SHCBP1: variants seen among roughly 807,000 people sequenced by gnomAD.
SHCBP1 encodes SHC SH2 domain-binding protein 1.
A neutral mutation model predicts 75.1 loss-of-function variants in SHCBP1; 60 were observed. The observed-to-expected ratio is 0.80, with a 90% CI of 0.65 to 0.99. The LOEUF (loss-of-function observed/expected upper bound fraction) is 0.99, where lower values mean the gene tolerates loss of function less well. Among genes scored for constraint, SHCBP1 ranks in the 50% least tolerant of loss-of-function variants. The probability of loss-of-function intolerance (pLI) is 0.00; values close to 1 mark genes in which losing one functional copy is unlikely to be tolerated. For missense variants in SHCBP1, 709 were observed against 809.4 expected (o/e 0.88, Z 1.50); for synonymous variants, 290 against 293.2 (o/e 0.99, Z 0.11).
intron 10 of SHCBP1, among the ~76,000 whole-genome samples, chr16:46,592,827 T>C (rs1363026368): frequency 6.6e-6 from 1 of 151,472 alleles, no homozygotes; most frequent in Admixed American, 6.6e-5. Flanking sequence ...CCATTTTCTG[T>C]TTTCCAGTAA....
At chr16:46,582,176 C>T in intron 12 of SHCBP1, 122 bp from the exon 13 acceptor site, 1 of 976,398 alleles carries the variant, frequency 1.0e-6, no homozygotes, top group Admixed American at 2.7e-5. Context: ...GTTCCCTGAC[C>T]CTCACACAGG....
At chr16:46,609,658 C>G (rs1965377999) in intron 4 of SHCBP1, among the ~76,000 whole-genome samples, 1 of 151,722 alleles carries the variant, frequency 6.6e-6, no homozygotes, top group Admixed American at 6.6e-5. Context: ...GCCATGTTGG[C>G]CAGGCTGGTC....
Position 46,581,647 on chromosome 16 carries a change from C to G in SHCBP1, c.*82G>C. On this transcript the variant is annotated 3_prime_UTR_variant, in exon 13 of 13. Transcript: ENST00000303383. ...AATCAAATATAAAATACAGACAATA[C>G]AGCAAACTACAATGGCAGCAGTGAT... is the stretch of plus-strand genomic sequence containing the variant. 11 of 1,255,734 alleles carry G rather than the reference C, an allele frequency of 8.8e-6. No homozygotes were observed. Among genetic ancestry groups the G allele is most frequent in the Non-Finnish European group, 1.2e-5 (11 of 889,084 alleles). 77.8% of individuals were successfully genotyped at this position (1,255,734 alleles called of 1,614,324 possible).
intron 4 of SHCBP1, among the ~76,000 whole-genome samples, chr16:46,614,286 C>T (rs1181687620): frequency 2.0e-5 from 3 of 152,082 alleles, no homozygotes; most frequent in African/African-American, 7.2e-5. Flanking sequence ...AGCAAAACCA[C>T]GTTAACTCAC....
chr16:46,608,724 C>A, intron 4 of SHCBP1, among the ~76,000 whole-genome samples: 1 of 151,626 alleles, frequency 6.6e-6, no homozygotes, highest in African/African-American at 2.4e-5. Flanking sequence ...CTGCCTCAGC[C>A]TCCCGAGTAG....
At chr16:46,609,446 T>TC (rs1371488028) in intron 4 of SHCBP1, among the ~76,000 whole-genome samples, 1 of 120,438 alleles carries the variant, frequency 8.3e-6, no homozygotes, top group African/African-American at 3.2e-5. Context: ...TCTTTTCTTT[T>TC]TTTTTTTTTT....
chr16:46,607,082 C>T (rs1965336894), intron 5 of SHCBP1, among the ~76,000 whole-genome samples: 1 of 152,044 alleles, frequency 6.6e-6, no homozygotes, highest in African/African-American at 2.4e-5. Flanking sequence ...GGGCTGGGCA[C>T]GGTGGCGCAG....
At position 46,579,986 on chromosome 16, in the gene SHCBP1, A is replaced by T. The variant is rs183058565; in HGVS notation, c.*1743T>A. ...AATACAAAAAAAAAATTAGCTGGGC[A>T]TGGTGGCGGGCACCTATAATCCCAG... On this transcript the variant is annotated 3_prime_UTR_variant, in exon 13 of 13. Coordinates refer to ENST00000303383, the MANE Select transcript of SHCBP1 (RefSeq NM_024745.5). Among the ~76,000 whole-genome samples, 2 of 151,780 alleles carry T rather than the reference A, an allele frequency of 1.3e-5. No individual in the cohort carries two copies. Among genetic ancestry groups the T allele is most frequent in the East Asian group, 3.9e-4 (2 of 5,174 alleles).
At chr16:46,586,335 T>C (rs911204108) in intron 10 of SHCBP1, among the ~76,000 whole-genome samples, 2 of 152,148 alleles carry the variant, frequency 1.3e-5, no homozygotes, top group African/African-American at 2.4e-5. Flanking sequence ...GAAAGCTCAA[T>C]GGATGTGCTC....
At position 46,584,081 on chromosome 16, in the gene SHCBP1, A is replaced by G; in HGVS notation, c.1473T>C (p.Gly491=). The G allele has an allele frequency of 6.3e-7, 1 of 1,596,060 alleles. No individual in the cohort carries two copies. Among genetic ancestry groups the G allele is most frequent in the Non-Finnish European group, 8.6e-7 (1 of 1,169,480 alleles). ...NSDLYGAKGA[G]IEIYPGSQCT... is the part of the protein sequence containing the mutation. ...ACTGACTCCCAGGGTAGATTTCTATACCAGCACCCTGTGAGTCACAGTTTG... is the reference window on the plus strand; with the variant it reads ...ACTGACTCCCAGGGTAGATTTCTATGCCAGCACCCTGTGAGTCACAGTTTG... The change falls in exon 11 of 13, where the codon GGT becomes GGC. Residue 491 remains glycine, a synonymous_variant. Transcript: ENST00000303383.
At chr16:46,592,967 A>AAAAAAAAAAAAAAAAAG in intron 10 of SHCBP1, among the ~76,000 whole-genome samples, 1 of 146,752 alleles carries the variant, frequency 6.8e-6, no homozygotes, top group Non-Finnish European at 1.5e-5. Flanking sequence ...AAAAAAAAAA[A>AAAAAAAAAAAAAAAAAG]AAAAAAAAAG....
In SHCBP1 at chr16:46,616,205, C is replaced by T. The variant is rs1179585124; in HGVS notation, c.388-51G>A. 6 of 1,565,158 alleles carry T rather than the reference C, an allele frequency of 3.8e-6. No homozygotes were observed. In the East Asian group the frequency reaches 9.2e-5, roughly 24 times the overall value. On this transcript the variant is annotated intron_variant, in intron 3 of 12. Transcript: ENST00000303383. This position sits in a 1 kb window ranked among gnomAD's most constrained non-coding sequence, Gnocchi z 4.4. Reference sequence around the variant, plus strand: ...ACACATGGAAATCAAAATGAAGATACACCTATAAGACACTACTGACAACCT... The same window carrying T: ...ACACATGGAAATCAAAATGAAGATATACCTATAAGACACTACTGACAACCT...
At chr16:46,589,678 C>CAA (rs1965010402) in intron 10 of SHCBP1, among the ~76,000 whole-genome samples, 2 of 149,570 alleles carry the variant, frequency 1.3e-5, no homozygotes, top group Admixed American at 6.7e-5. Flanking sequence ...TAAAAGAGGA[C>CAA]ACAAATGGAA....
At position 46,621,317 on chromosome 16, in the gene SHCBP1, C is replaced by G; in HGVS notation, c.43G>C (p.Ala15Pro). The G allele has an allele frequency of 6.2e-7, 1 of 1,611,378 alleles. No homozygotes were observed. Among genetic ancestry groups the G allele is most frequent in the Non-Finnish European group, 8.5e-7 (1 of 1,179,250 alleles). Residue 15 changes from alanine to proline, a missense_variant, in exon 1 of 13, where the codon GCC becomes CCC. By Grantham distance (27) the Ala-to-Pro change is conservative (BLOSUM62 -1). Coordinates refer to ENST00000303383, the MANE Select transcript of SHCBP1 (RefSeq NM_024745.5). ...SLTGGGLEAA[A>P]MAPERMGWAV... is the part of the protein sequence containing the mutation. Reference sequence around the variant, plus strand: ...CAGCCCATGCGCTCCGGCGCCATGGCCGCTGCCTCCAGACCGCCGCCCGTC... The same window carrying G: ...CAGCCCATGCGCTCCGGCGCCATGGGCGCTGCCTCCAGACCGCCGCCCGTC...
chr16:46,605,349 G>A (rs1465486392), intron 5 of SHCBP1, among the ~76,000 whole-genome samples: 1 of 152,196 alleles, frequency 6.6e-6, no homozygotes, highest in Non-Finnish European at 1.5e-5. Flanking sequence ...AGCACTTTGG[G>A]AGGCCAAGGC....
In SHCBP1 at chr16:46,581,828, T is replaced by C; in HGVS notation, c.1920A>G (p.Gln640=). The change falls in exon 13 of 13, where the codon CAA becomes CAG. Residue 640 remains glutamine, a synonymous_variant. Transcript: ENST00000303383. ...KKRLSELGIT[Q]ADDNLMSQEM... ...CCTGTGACATTAAGTTGTCATCAGC[T>C]TGCGTGATCCCCAGTTCACTCAACC... 1 of 1,614,206 alleles carries C rather than the reference T, an allele frequency of 6.2e-7. No individual in the cohort carries two copies. Among genetic ancestry groups the C allele is most frequent in the South Asian group, 1.1e-5 (1 of 91,092 alleles).
chr16:46,582,173 G>A (rs1353146613), intron 12 of SHCBP1, 119 bp from the exon 13 acceptor site: 5 of 1,015,032 alleles, frequency 4.9e-6, no homozygotes, highest in Non-Finnish European at 7.1e-6. Flanking sequence ...AAGGTTCCCT[G>A]ACCCTCACAC....
In SHCBP1 at chr16:46,604,120, T is replaced by C. The variant is rs1965287947; in HGVS notation, c.947A>G (p.Asn316Ser). ...LLRYVFGYQK[N>S]SNIQAKGVRS... ...GACACCCTTTGCTTGGATGTTAGAATTCTTCTGATAACCAAACACATACCT... is the reference window on the plus strand; with the variant it reads ...GACACCCTTTGCTTGGATGTTAGAACTCTTCTGATAACCAAACACATACCT... The change falls in exon 7 of 13, where the codon AAT becomes AGT. Residue 316 changes from asparagine (N) to serine (S), a missense_variant. By Grantham distance (46) the Asn-to-Ser change is conservative (BLOSUM62 1). Transcript: ENST00000303383. 1 of 1,614,024 alleles carries C rather than the reference T, an allele frequency of 6.2e-7. No homozygotes were observed. Among genetic ancestry groups the C allele is most frequent in the Non-Finnish European group, 8.5e-7 (1 of 1,180,036 alleles).
At chr16:46,584,761 A>G (rs1362781225) in intron 10 of SHCBP1, among the ~76,000 whole-genome samples, 1 of 152,216 alleles carries the variant, frequency 6.6e-6, no homozygotes, top group Non-Finnish European at 1.5e-5. Flanking sequence ...TCCTAATGCT[A>G]TGCAAGGCAC....
Sources: gnomAD v4.1 joint callset for allele counts (sites outside exome capture counted in the v4.1 genomes callset) on GRCh38, gnomAD v4.1.1 for gene constraint, Gnocchi (gnomAD v3.1) non-coding constraint, MANE v1.5 for transcripts, NCBI Gene and HGNC (gene_info 2026-07-23, HGNC 2026-07-21) for gene names.